The following ZFPM2 variants were observed in gnomAD, a reference collection of about 807,000 sequenced individuals.
The protein encoded by ZFPM2 is zinc finger protein ZFPM2.
ZFPM2 carries 20 observed loss-of-function variants against 98.6 expected under a neutral mutation model. The observed-to-expected ratio is 0.20, with a 90% CI of 0.14 to 0.29. The LOEUF is 0.29. Ranked by LOEUF, ZFPM2 falls within the 10% of genes least tolerant of loss-of-function variation. The pLI is 1.00. For synonymous variants in ZFPM2, 518 were observed against 502.7 expected (o/e 1.03, Z -0.41); for missense variants, 1,310 against 1,388.6 (o/e 0.94, Z 0.90).
At chr8:105,447,447 G>A (rs1812398267) in intron 3 of ZFPM2, among the ~76,000 whole-genome samples, 3 of 152,056 alleles carry the variant, frequency 2.0e-5, no homozygotes, top group Non-Finnish European at 4.4e-5. Context: ...CATTATTGTG[G>A]CTTTGCAGTT....
chr8:105,801,344 C>A lies in ZFPM2; in HGVS notation c.1262C>A (p.Pro421His). Reference protein sequence around the residue: ...ATDLLTRSELPQSQKAMQTKD... With the variant: ...ATDLLTRSELHQSQKAMQTKD... ...GACTTATTGACCAGAAGCGAACTTC[C>A]CCAGAGCCAAAAGGCCATGCAGACT... Residue 421 changes from proline (P) to histidine (H), a missense_variant, in exon 8 of 8, where the codon CCC becomes CAC. Transcript: ENST00000407775. 6.2e-7 allele frequency: 1 copy of A among 1,613,896 alleles called. No individual in the cohort carries two copies. Among genetic ancestry groups the A allele is most frequent in the African/African-American group, 1.3e-5 (1 of 74,992 alleles).
chr8:105,746,302 G>GTAGAAAGTAGAAAGTAGAAA (rs1373413042), intron 5 of ZFPM2, among the ~76,000 whole-genome samples: 2 of 151,800 alleles, frequency 1.3e-5, no homozygotes, highest in Non-Finnish European at 2.9e-5. Context: ...ACTGAGTCAT[G>GTAGAAAGTAGAAAGTAGAAA]GTAGAAAGAT....
chr8:105,410,791 T>G lies in ZFPM2; in HGVS notation c.41-8353T>G, dbSNP rs149096519. 6.1e-3 allele frequency among the ~76,000 whole-genome samples: 925 copies of G among 152,002 alleles called. 9 individuals carry two copies. The highest frequency in any genetic ancestry group is 0.021 in the African/African-American group (887 of 41,530). ...ATTAATTCATTTATGCCACATAATA[T>G]ATATAAGGAGTTCTGTGTTTAGGTT... is the stretch of plus-strand genomic sequence containing the variant. On this transcript the variant is annotated intron_variant, in intron 1 of 7. Coordinates refer to ENST00000407775, the MANE Select transcript of ZFPM2 (RefSeq NM_012082.4).
rs1259875568 is a variant in ZFPM2, at chr8:105,380,634, TTATATATATATTA to T, written c.41-38490_41-38478del. 1.8e-3 allele frequency among the ~76,000 whole-genome samples: 29 copies of T among 16,014 alleles called. 1 individual carries two copies. Among genetic ancestry groups the T allele is most frequent in the African/African-American group, 6.1e-3 (21 of 3,450 alleles). 10.5% of individuals were successfully genotyped at this position (16,014 alleles called of 152,430 possible). A position where few individuals can be genotyped will look rare whatever the true frequency, so the allele number is the denominator to read the frequency against. Reference sequence around the variant, plus strand: ...ATATATATTATATATAACATATATATTATATATATATTATATATATATATTATATATAACATAT... The same window carrying T: ...ATATATATTATATATAACATATATATTATATATATATTATATATAACATAT... On this transcript the variant is annotated intron_variant, in intron 1 of 7. Transcript: ENST00000407775.
At chr8:105,383,985 C>T (rs1354509896) in intron 1 of ZFPM2, among the ~76,000 whole-genome samples, 1 of 152,198 alleles carries the variant, frequency 6.6e-6, no homozygotes, top group African/African-American at 2.4e-5. Context: ...ATATGGATCT[C>T]ATCACACTAG....
At chr8:105,711,315 C>T (rs1169997181) in intron 5 of ZFPM2, among the ~76,000 whole-genome samples, 2 of 152,138 alleles carry the variant, frequency 1.3e-5, no homozygotes, top group Admixed American at 6.6e-5. Context: ...TACTTCCCAG[C>T]CAGTTTTCTG....
intron 5 of ZFPM2, among the ~76,000 whole-genome samples, chr8:105,639,244 A>G (rs112413812): frequency 6.3e-4 from 96 of 152,204 alleles, no homozygotes; most frequent in African/African-American, 2.2e-3. Context: ...TTCATATGAA[A>G]AACAAATAGT....
chr8:105,330,599 T>TATATATATATAC (rs1812206510), intron 1 of ZFPM2, among the ~76,000 whole-genome samples: 1 of 39,924 alleles, frequency 2.5e-5, no homozygotes, highest in African/African-American at 8.0e-5. Flanking sequence ...TATATACATA[T>TATATATATATAC]ATATATATAT....
chr8:105,402,169 C>A (rs973057674), intron 1 of ZFPM2, among the ~76,000 whole-genome samples: 23 of 152,010 alleles, frequency 1.5e-4, no homozygotes, highest in African/African-American at 4.8e-4. Flanking sequence ...CTATATTTTC[C>A]TTTTATGTTG....
At chr8:105,779,717 C>T (rs1813198529) in intron 5 of ZFPM2, among the ~76,000 whole-genome samples, 1 of 152,130 alleles carries the variant, frequency 6.6e-6, no homozygotes, top group Admixed American at 6.5e-5. Flanking sequence ...TGATGGGATC[C>T]TTTCCAAAAG....
chr8:105,579,557 C>G (rs1175225498), intron 4 of ZFPM2, among the ~76,000 whole-genome samples: 1 of 152,104 alleles, frequency 6.6e-6, no homozygotes, highest in Admixed American at 6.6e-5. Flanking sequence ...TAAGTTCAAT[C>G]TTGATTTCTT....
intron 1 of ZFPM2, among the ~76,000 whole-genome samples, chr8:105,353,641 G>A (rs764765349): frequency 2.6e-5 from 4 of 152,298 alleles, no homozygotes; most frequent in Middle Eastern, 3.4e-3. Context: ...ATTAGCAATA[G>A]TTAGTGGATA....
At chr8:105,522,711 T>C (rs6469005) in intron 3 of ZFPM2, among the ~76,000 whole-genome samples, 60,420 of 151,480 alleles carry the variant, frequency 0.4, 14,809 homozygotes, top group African/African-American at 0.7. Flanking sequence ...GTGGAGGTTG[T>C]GCCACTGCAC....
intron 1 of ZFPM2, among the ~76,000 whole-genome samples, chr8:105,366,809 T>TGGTAATGCCTATGTGGTATG (rs1441463977): frequency 6.6e-6 from 1 of 151,810 alleles, no homozygotes; most frequent in Non-Finnish European, 1.5e-5. Flanking sequence ...CATGCCTATG[T>TGGTAATGCCTATGTGGTATG]CCTGAATGGT....
chr8:105,550,662 T>C (rs747824653), intron 3 of ZFPM2, among the ~76,000 whole-genome samples: 2 of 152,090 alleles, frequency 1.3e-5, no homozygotes, highest in Non-Finnish European at 2.9e-5. Flanking sequence ...ATCACATACT[T>C]TGGGAATTCA....
chr8:105,480,514 T>C (rs1164277061), intron 3 of ZFPM2, among the ~76,000 whole-genome samples: 1 of 152,224 alleles, frequency 6.6e-6, no homozygotes, highest in Non-Finnish European at 1.5e-5. Context: ...TTCTACTCTT[T>C]CCTTTTAGCA....
At chr8:105,429,393 A>G (rs1266146261) in intron 2 of ZFPM2, among the ~76,000 whole-genome samples, 1 of 151,306 alleles carries the variant, frequency 6.6e-6, no homozygotes, top group Non-Finnish European at 1.5e-5. Context: ...ACAGTGACCT[A>G]AGAAGGAGTG....
intron 5 of ZFPM2, among the ~76,000 whole-genome samples, chr8:105,747,027 C>T (rs1372426390): frequency 6.6e-6 from 1 of 151,886 alleles, no homozygotes; most frequent in Non-Finnish European, 1.5e-5. Context: ...CTTCAAATAG[C>T]AATTAAGTAT....
At position 105,433,711 on chromosome 8, in the gene ZFPM2, C is replaced by T. The variant is rs568497022; in HGVS notation, c.200-10569C>T. ...CTGAGGCAGGAGAATGGCATGAACCCGGGAGGTGGAGCTTGCAGTGAGCCG... is the reference window on the plus strand; with the variant it reads ...CTGAGGCAGGAGAATGGCATGAACCTGGGAGGTGGAGCTTGCAGTGAGCCG... On this transcript the variant is annotated intron_variant, in intron 2 of 7. Transcript: ENST00000407775. Among the ~76,000 whole-genome samples, 7 of 152,150 alleles carry T rather than the reference C, an allele frequency of 4.6e-5. No homozygotes were observed. The South Asian group carries it at 1.0e-3, about 23-fold the overall frequency.
Sources: gnomAD v4.1 joint callset for allele counts (sites outside exome capture counted in the v4.1 genomes callset) on GRCh38, gnomAD v4.1.1 for gene constraint, MANE v1.5 for transcripts, NCBI Gene and HGNC (gene_info 2026-07-23, HGNC 2026-07-21) for gene names.